Variants in F11 observed in about 807,000 individuals in gnomAD.
F11 encodes coagualtion factor XI.
In F11, 78 loss-of-function variants were observed where a neutral mutation model predicts 76.5. That is an observed-to-expected ratio of 1.02 (90% CI 0.85 to 1.23). The LOEUF (loss-of-function observed/expected upper bound fraction) is 1.23. F11 is among the 50% of genes most tolerant of loss of function. The pLI, the probability that F11 is intolerant of heterozygous loss-of-function variation, is 0.00. For synonymous variants in F11, 278 were observed against 276.3 expected, an observed-to-expected ratio of 1.01 and a Z score of -0.06; for missense variants, 742 against 771.4, an observed-to-expected ratio of 0.96 and a Z score of 0.45.
chr4:186,284,342 C>A (rs1241216874), intron 11 of F11, 82 bp downstream of exon 11: 2 of 1,313,702 alleles, frequency 1.5e-6, no homozygotes, highest in East Asian at 5.0e-5. Flanking sequence ...GAAATAAATA[C>A]TTTAACCAAT....
intron 14 of F11, among the ~76,000 whole-genome samples, chr4:186,288,220 CAT>C (rs1231620523): frequency 6.6e-6 from 1 of 152,102 alleles, no homozygotes; most frequent in African/African-American, 2.4e-5. Context: ...CCGCTTAATG[CAT>C]TTTAAAAAGC....
At chr4:186,273,993 T>C in intron 4 of F11, 123 bp from the exon 5 acceptor site, 2 of 1,057,662 alleles carry the variant, frequency 1.9e-6, no homozygotes, top group Non-Finnish European at 2.9e-6. Flanking sequence ...CAGATTAATA[T>C]AACGAAAGAC....
Position 186,271,744 on chromosome 4 carries a change from A to G in F11, c.191A>G (p.Glu64Gly). 6.2e-7 allele frequency: 1 copy of G among 1,614,194 alleles called. No individual in the cohort carries two copies. Among genetic ancestry groups the G allele is most frequent in the Non-Finnish European group, 8.5e-7 (1 of 1,180,034 alleles). Residue 64 changes from glutamate (E) to glycine (G), a missense_variant, in exon 3 of 15, where the codon GAA becomes GGA. Coordinates refer to ENST00000403665, the MANE Select transcript of F11 (RefSeq NM_000128.4). ...PRCLLFTFTAESPSEDPTRWF... is the reference protein window; with the variant it reads ...PRCLLFTFTAGSPSEDPTRWF... ...TGTTTACTCTTCACTTTCACGGCGG[A>G]ATCACCATCTGAGGATCCCACCCGA...
rs2126757652 is a variant in F11 at position 186,280,250 on chromosome 4, A to G, written c.893A>G (p.Asp298Gly). The change falls in exon 9 of 15, where the codon GAC becomes GGC. Residue 298 changes from aspartate to glycine, a missense_variant. Transcript: ENST00000403665. ...PVFCHSSFYH[D>G]TDFLGEELDI... Reference sequence around the variant, plus strand: ...TTCTGCCATTCTTCATTTTACCATGACACTGATTTCTTGGGAGAAGAACTG... The same window carrying G: ...TTCTGCCATTCTTCATTTTACCATGGCACTGATTTCTTGGGAGAAGAACTG... 6.2e-7 allele frequency: 1 copy of G among 1,614,152 alleles called. No individual in the cohort carries two copies. Among genetic ancestry groups the G allele is most frequent in the Middle Eastern group, 1.6e-4 (1 of 6,062 alleles).
In F11 at chr4:186,287,781, G is replaced by C. The variant is rs1451539512; in HGVS notation, c.1674G>C (p.Met558Ile). The C allele has an allele frequency of 6.2e-7, 1 of 1,613,504 alleles. No individual in the cohort carries two copies. Among genetic ancestry groups the C allele is most frequent in the Admixed American group, 1.7e-5 (1 of 59,966 alleles). Residue 558 changes from methionine (M) to isoleucine (I), a missense_variant, in exon 14 of 15, where the codon ATG becomes ATC. Transcript: ENST00000403665. ...RYRGHKITHK[M>I]ICAGYREGGK... Reference sequence around the variant, plus strand: ...GAGGACATAAAATAACCCATAAGATGATCTGTGCCGGCTACAGGGAAGGAG... The same window carrying C: ...GAGGACATAAAATAACCCATAAGATCATCTGTGCCGGCTACAGGGAAGGAG...
At chr4:186,286,797 T>G in intron 13 of F11, 2 of 808,168 alleles carry the variant, frequency 2.5e-6, no homozygotes, top group Non-Finnish European at 3.0e-6. Context: ...GCTATCCAAT[T>G]ACTTTCTTGG....
At position 186,280,122 on chromosome 4, in the gene F11, G is replaced by C. The variant is rs1349655563; in HGVS notation, c.865+1G>C. 1.2e-6 allele frequency: 2 copies of C among 1,613,980 alleles called. No individual in the cohort carries two copies. The highest frequency in any genetic ancestry group is 2.7e-5 in the African/African-American group (2 of 74,918). On this transcript the variant is annotated splice_donor_variant, in intron 8 of 14. Transcript: ENST00000403665. LOFTEE classifies it high-confidence loss of function. ...CAAAGCTGCAGGCACAGCATCCCAG[G>C]TAAACTGAGAGTTCTGCATTCTGGC... is the stretch of plus-strand genomic sequence containing the variant.
At chr4:186,285,387 C>T (rs888566507) in intron 11 of F11, among the ~76,000 whole-genome samples, 1 of 150,490 alleles carries the variant, frequency 6.6e-6, no homozygotes. Context: ...TGTGCGTGTG[C>T]GGGTGTGTGC....
chr4:186,279,054 G>A (rs1740586473), intron 7 of F11, among the ~76,000 whole-genome samples: 1 of 152,138 alleles, frequency 6.6e-6, no homozygotes, highest in South Asian at 2.1e-4. Context: ...GCTTCTATAA[G>A]CCCAAACTTG....
chr4:186,275,957 A>C (rs1186267477), intron 6 of F11, 61 bp downstream of exon 6: 94 of 1,329,088 alleles, frequency 7.1e-5, no homozygotes, highest in Non-Finnish European at 1.0e-4. Context: ...ATTACAGTAG[A>C]TCTCACTCAG....
At chr4:186,280,163 C>G in intron 8 of F11, 42 bp downstream of exon 8, 1 of 1,611,408 alleles carries the variant, frequency 6.2e-7, no homozygotes, top group Non-Finnish European at 8.5e-7. Context: ...GTGACCAGCC[C>G]CGAGGAGGCT....
intron 10 of F11, chr4:186,282,637 T>C (rs1740887477): frequency 1.0e-6 from 1 of 984,960 alleles, no homozygotes; most frequent in African/African-American, 1.7e-5. Flanking sequence ...TTCTAAAATA[T>C]CTTAGTTACT....
chr4:186,285,670 G>A lies in F11; in HGVS notation c.1337G>A (p.Ser446Asn). Residue 446 changes from serine (S) to asparagine (N), a missense_variant, in exon 12 of 15, where the codon AGT (serine) becomes AAT (asparagine). Coordinates refer to ENST00000403665, the MANE Select transcript of F11 (RefSeq NM_000128.4). ...VESPKILRVY[S>N]GILNQSEIKE... ...TCACCTAAGATTTTGCGTGTCTACA[G>A]TGGCATTTTAAATCAATCTGAAATA... 1 of 1,614,118 alleles carries A rather than the reference G, an allele frequency of 6.2e-7. No homozygotes were observed. Among genetic ancestry groups the A allele is most frequent in the Non-Finnish European group, 8.5e-7 (1 of 1,180,032 alleles).
At position 186,286,475 on chromosome 4, in the gene F11, G is replaced by T. The variant is rs281875249; in HGVS notation, c.1541G>T (p.Cys514Phe). ...KGDRNVIYTDCWVTGWGYRKL... is the reference protein window; with the variant it reads ...KGDRNVIYTDFWVTGWGYRKL... Reference sequence around the variant, plus strand: ...GATAGAAATGTAATATACACTGATTGCTGGGTGACTGGATGGGGGTACAGA... The same window carrying T: ...GATAGAAATGTAATATACACTGATTTCTGGGTGACTGGATGGGGGTACAGA... Residue 514 changes from cysteine to phenylalanine, a missense_variant, in exon 13 of 15, where the codon TGC becomes TTC. Transcript: ENST00000403665. 6.2e-7 allele frequency: 1 copy of T among 1,613,966 alleles called. No individual in the cohort carries two copies.
At chr4:186,266,428 C>G (rs1026182212) in intron 1 of F11, 133 bp downstream of exon 1, 6 of 152,124 alleles carry the variant, frequency 3.9e-5, no homozygotes, top group African/African-American at 1.4e-4. Context: ...TCTGATTTAG[C>G]TTTGTAGAGA....
chr4:186,272,501 T>A (rs1327762549), intron 3 of F11, among the ~76,000 whole-genome samples: 1 of 152,202 alleles, frequency 6.6e-6, no homozygotes, highest in African/African-American at 2.4e-5. Flanking sequence ...TGTATTCCCA[T>A]CCTGAGCTTG....
At position 186,288,671 on chromosome 4, in the gene F11, G is replaced by T; in HGVS notation, c.*57G>T. 2 of 1,568,628 alleles carry T rather than the reference G, an allele frequency of 1.3e-6. No individual in the cohort carries two copies. The highest frequency in any genetic ancestry group is 1.3e-5 in the African/African-American group (1 of 74,106). ...AGGACCCAGGATTTGCTGGGAGAGG[G>T]TGTTGAGTTCACTGTGCCAGCATGC... On this transcript the variant is annotated 3_prime_UTR_variant, in exon 15 of 15. Coordinates refer to ENST00000403665, the MANE Select transcript of F11 (RefSeq NM_000128.4).
chr4:186,277,198 C>T (rs1315697020), intron 7 of F11, among the ~76,000 whole-genome samples: 2 of 152,116 alleles, frequency 1.3e-5, no homozygotes, highest in Non-Finnish European at 2.9e-5. Flanking sequence ...GAGATAATAG[C>T]CTCCAGTTCT....
rs2036914 is a variant in F11 at position 186,271,327 on chromosome 4, T to C, written c.56-282T>C. The stretch of plus-strand genomic sequence containing the variant: ...AAGCAGCAGCTTTTGCCAGTAAAGA[T>C]CCTTGAAATGATTCAATTACCCTCA... On this transcript the variant is annotated intron_variant, in intron 2 of 14. Coordinates refer to ENST00000403665, the MANE Select transcript of F11 (RefSeq NM_000128.4). 0.57 allele frequency among the ~76,000 whole-genome samples: 87,245 copies of C among 152,080 alleles called. 25,471 individuals carry two copies. Among genetic ancestry groups the C allele is most frequent in the East Asian group, 0.78 (4,004 of 5,156 alleles).
Sources: allele counts gnomAD v4.1 joint callset (sites outside exome capture counted in the v4.1 genomes callset), GRCh38; gene constraint gnomAD v4.1.1; transcripts MANE v1.5; gene names NCBI Gene and HGNC (gene_info 2026-07-23, HGNC 2026-07-21).